The following LIPM variants were observed in gnomAD, a reference collection of about 807,000 sequenced individuals.
The protein encoded by LIPM is lipase member M.
In LIPM, 42 loss-of-function variants were observed where a neutral mutation model predicts 42.4. The ratio of observed to expected loss-of-function variants is 0.99; its 90% CI spans 0.77 to 1.28. The LOEUF (loss-of-function observed/expected upper bound fraction) is 1.28, where lower values mean the gene tolerates loss of function less well. LIPM is among the 50% of genes most tolerant of loss of function. LIPM has a pLI of 0.00. For missense variants in LIPM, 524 were observed against 520.1 expected, an observed-to-expected ratio of 1.01 and a Z score of -0.07; for synonymous variants, 177 against 173.3, an observed-to-expected ratio of 1.02 and a Z score of -0.17.
At chr10:88,812,536 T>C (rs2133056453) in intron 2 of LIPM, among the ~76,000 whole-genome samples, 1 of 152,334 alleles carries the variant, frequency 6.6e-6, no homozygotes, top group South Asian at 2.1e-4. Context: ...TATTTGTTCA[T>C]TTATTTATTG....
chr10:88,814,598 A>T lies in LIPM; in HGVS notation c.533A>T (p.Glu178Val). ...INFILQKTGQ[E>V]KIYYVGYSQG... ...TTTATTTTGCAGAAAACGGGCCAGG[A>T]AAAGATCTATTATGTCGGCTATTCA... The change falls in exon 4 of 9, where the codon GAA becomes GTA. Residue 178 changes from glutamate to valine, a missense_variant. Glu to Val is a moderately radical substitution (Grantham distance 121). Coordinates refer to ENST00000404743, the MANE Select transcript of LIPM (RefSeq NM_001128215.1). 6.4e-7 allele frequency: 1 copy of T among 1,552,016 alleles called. No homozygotes were observed. The highest frequency in any genetic ancestry group is 8.7e-7 in the Non-Finnish European group (1 of 1,146,998).
intron 8 of LIPM, among the ~76,000 whole-genome samples, 167 bp from the exon 9 acceptor site, chr10:88,820,065 T>C (rs1843768071): frequency 6.6e-6 from 1 of 152,202 alleles, no homozygotes; most frequent in South Asian, 2.1e-4. Context: ...TAATTTTACC[T>C]TAAAGTAAGG....
chr10:88,815,214 T>C lies in LIPM; in HGVS notation c.701T>C (p.Met234Thr), dbSNP rs756667703. The change falls in exon 5 of 9, where the codon ATG becomes ACG. Residue 234 changes from methionine to threonine, a missense_variant. By Grantham distance (81) the Met-to-Thr change is moderately conservative. Coordinates refer to ENST00000404743, the MANE Select transcript of LIPM (RefSeq NM_001128215.1). ...ACCAAATTTTTGTTGCTGCCAGATA[T>C]GATGATCAAGGTATGAGACTCCTCA... ...PGTKFLLLPD[M>T]MIKGLFGKKE... 1.4e-5 allele frequency: 21 copies of C among 1,551,746 alleles called. 1 individual carries two copies. The East Asian group carries it at 2.2e-4, about 16-fold the overall frequency.
rs181873075 is a variant in LIPM, at chr10:88,816,209, G to A, written c.859-607G>A. On this transcript the variant is annotated intron_variant, in intron 6 of 8. Coordinates refer to ENST00000404743, the MANE Select transcript of LIPM (RefSeq NM_001128215.1). ...CATACCAGTAACAGGGTAGCACTGGGCAATGTATCTGCCTACAATTGGTGC... is the reference window on the plus strand; with the variant it reads ...CATACCAGTAACAGGGTAGCACTGGACAATGTATCTGCCTACAATTGGTGC... Among the ~76,000 whole-genome samples, 12 of 152,222 alleles carry A rather than the reference G, an allele frequency of 7.9e-5. No homozygotes were observed. The East Asian group carries it at 2.3e-3, about 29-fold the overall frequency.
At chr10:88,808,910 C>CATTTTATTTTATTTT (rs72015280) in intron 2 of LIPM, among the ~76,000 whole-genome samples, 1,398 of 135,412 alleles carry the variant, frequency 0.01, 31 homozygotes, top group African/African-American at 0.03. Flanking sequence ...TCTATACATA[C>CATTTTATTTTATTTT]ATTTTATTTT....
intron 1 of LIPM, among the ~76,000 whole-genome samples, chr10:88,805,749 G>A (rs303535): frequency 0.2 from 30,780 of 152,060 alleles, 3,131 homozygotes; most frequent in Non-Finnish European, 0.21. Flanking sequence ...TTTTAAATAA[G>A]TATTTGCCCC....
rs1482077564 is a variant in LIPM at position 88,815,114 on chromosome 10, G to C, written c.601G>C (p.Glu201Gln). ...CTTTATTGCATTTTCCACCATGCCAGAGCTGGCTCAGAAAATCAAAATGTA... is the reference window on the plus strand; with the variant it reads ...CTTTATTGCATTTTCCACCATGCCACAGCTGGCTCAGAAAATCAAAATGTA... The part of the protein sequence containing the change: ...MGFIAFSTMP[E>Q]LAQKIKMYFA... The change falls in exon 5 of 9, where the codon GAG becomes CAG. Residue 201 changes from glutamate to glutamine, a missense_variant. By Grantham distance (29) the Glu-to-Gln change is conservative. Coordinates refer to ENST00000404743, the MANE Select transcript of LIPM (RefSeq NM_001128215.1). The C allele has an allele frequency of 9.0e-6, 14 of 1,550,158 alleles. No individual in the cohort carries two copies. Among genetic ancestry groups the C allele is most frequent in the Non-Finnish European group, 1.2e-5 (14 of 1,146,538 alleles).
chr10:88,815,829 C>CTGGGGT (rs1843713000), intron 6 of LIPM, among the ~76,000 whole-genome samples: 6 of 152,220 alleles, frequency 3.9e-5, no homozygotes, highest in Admixed American at 3.9e-4. Context: ...TCCACCTCTA[C>CTGGGGT]CCTGCACTGG....
chr10:88,808,465 C>T (rs1383256537), intron 2 of LIPM, 50 bp downstream of exon 2: 11 of 1,058,554 alleles, frequency 1.0e-5, no homozygotes, highest in Admixed American at 4.0e-5. Context: ...TCTGCAGTCA[C>T]GATTTCCTTG....
chr10:88,818,337 A>G (rs1843743055), intron 8 of LIPM, among the ~76,000 whole-genome samples: 1 of 152,234 alleles, frequency 6.6e-6, no homozygotes, highest in African/African-American at 2.4e-5. Context: ...CTTCTGTAAT[A>G]GGAGGGAGGC....
At chr10:88,818,367 T>G (rs1159570597) in intron 8 of LIPM, among the ~76,000 whole-genome samples, 2 of 152,236 alleles carry the variant, frequency 1.3e-5, no homozygotes, top group Admixed American at 6.5e-5. Flanking sequence ...TTTTCAGGCT[T>G]CAATTTCTTT....
rs2133061771 is a variant in LIPM at position 88,816,856 on chromosome 10, C to T, written c.899C>T (p.Thr300Ile). 1 of 1,551,474 alleles carries T rather than the reference C, an allele frequency of 6.4e-7. No homozygotes were observed. The highest frequency in any genetic ancestry group is 2.0e-5 in the Admixed American group (1 of 51,000). The change falls in exon 7 of 9, where the codon ACA (threonine) becomes ATA (isoleucine). Residue 300 changes from threonine (T) to isoleucine (I), a missense_variant. Transcript: ENST00000404743. ...SVYAAHTLAGTSVQNILHWSQ... is the reference protein window; with the variant it reads ...SVYAAHTLAGISVQNILHWSQ... ...TATGCTGCCCACACTCTTGCTGGAA[C>T]ATCTGTGCAAAATATTCTACACTGG...
At chr10:88,816,109 C>A (rs114950626) in intron 6 of LIPM, among the ~76,000 whole-genome samples, 36 of 152,200 alleles carry the variant, frequency 2.4e-4, no homozygotes, top group African/African-American at 8.4e-4. Flanking sequence ...ATAGGATGAC[C>A]CTTCAGAACC....
chr10:88,806,841 C>A (rs6586152), intron 1 of LIPM, among the ~76,000 whole-genome samples: 1 of 152,030 alleles, frequency 6.6e-6, no homozygotes, highest in Non-Finnish European at 1.5e-5. Flanking sequence ...TGCACCACCA[C>A]GCCCGGCTAA....
At position 88,815,422 on chromosome 10, in the gene LIPM, T is replaced by C; in HGVS notation, c.777T>C (p.Leu259=). 1 of 1,551,560 alleles carries C rather than the reference T, an allele frequency of 6.4e-7. No homozygotes were observed. The highest frequency in any genetic ancestry group is 8.7e-7 in the Non-Finnish European group (1 of 1,146,874). Residue 259 remains leucine, a synonymous_variant, in exon 6 of 9, where the codon CTT becomes CTC. Transcript: ENST00000404743. ...TRFLRQLVIY[L]CGQVILDQIC... ...TTCTCAGACAACTTGTTATTTACCTTTGTGGCCAGGTGATTCTTGATCAGA... is the reference window on the plus strand; with the variant it reads ...TTCTCAGACAACTTGTTATTTACCTCTGTGGCCAGGTGATTCTTGATCAGA...
At chr10:88,804,574 GA>G (rs1161986843) in intron 1 of LIPM, among the ~76,000 whole-genome samples, 3 of 150,208 alleles carry the variant, frequency 2.0e-5, no homozygotes, top group Admixed American at 2.0e-4. Context: ...AGCAGGTGGT[GA>G]AAAAAAAACA....
chr10:88,803,969 A>G (rs1359330645), intron 1 of LIPM, among the ~76,000 whole-genome samples: 2 of 152,220 alleles, frequency 1.3e-5, no homozygotes, highest in African/African-American at 4.8e-5. Context: ...TAAGACGATC[A>G]TGTGCAATGT....
At chr10:88,818,033 C>T in intron 8 of LIPM, 137 bp downstream of exon 8, 2 of 705,682 alleles carry the variant, frequency 2.8e-6, no homozygotes, top group Admixed American at 2.6e-5. Context: ...ATGTTTGACT[C>T]CATTTGAAAA....
At chr10:88,812,792 A>G (rs1843669835) in intron 2 of LIPM, among the ~76,000 whole-genome samples, 1 of 152,234 alleles carries the variant, frequency 6.6e-6, no homozygotes. Flanking sequence ...AGCCCAGACA[A>G]GTCTGATAAT....
Sources: gnomAD v4.1 joint callset for allele counts (sites outside exome capture counted in the v4.1 genomes callset) on GRCh38, gnomAD v4.1.1 for gene constraint, MANE v1.5 for transcripts, NCBI Gene and HGNC (gene_info 2026-07-23, HGNC 2026-07-21) for gene names.